NBEAL1: variants seen among roughly 807,000 people sequenced by gnomAD.
The protein encoded by NBEAL1 is neurobeachin like 1.
NBEAL1 carries 273 observed loss-of-function variants against 351.3 expected under a neutral mutation model. That is an observed-to-expected ratio of 0.78 (90% CI 0.70 to 0.86). The LOEUF (loss-of-function observed/expected upper bound fraction) is 0.86, where lower values mean the gene tolerates loss of function less well. NBEAL1 is among the 40% of genes least tolerant of loss of function. NBEAL1 has a pLI of 0.00. For synonymous variants in NBEAL1, 1,050 were observed against 1,086.4 expected (o/e 0.97, Z 0.66); for missense variants, 2,961 against 3,201.3 (o/e 0.92, Z 1.81).
At position 203,144,871 on chromosome 2, in the gene NBEAL1, AT is replaced by A. The variant is rs1559402515; in HGVS notation, c.5122del (p.Ser1708GlnfsTer16). The part of the protein sequence containing the change: ...SFFEDFQEYC[N>X]SNEWQVYIEK... ...TTTGAAGATTTTCAAGAATATTGTA[AT>A]TCAAATGAATGGCAAGTTTACATTG... On this transcript the variant is annotated frameshift_variant, in exon 32 of 56. Transcript: ENST00000683969. LOFTEE classifies it high-confidence loss of function. 1 of 1,602,248 alleles carries A rather than the reference AT, an allele frequency of 6.2e-7. No homozygotes were observed. Among genetic ancestry groups the A allele is most frequent in the African/African-American group, 1.3e-5 (1 of 74,292 alleles).
intron 31 of NBEAL1, among the ~76,000 whole-genome samples, chr2:203,144,243 C>T (rs1356962240): frequency 1.4e-5 from 2 of 146,626 alleles, no homozygotes; most frequent in African/African-American, 2.5e-5. Flanking sequence ...GATTTGGGTT[C>T]TCTTTATACT....
intron 10 of NBEAL1, among the ~76,000 whole-genome samples, chr2:203,096,488 A>C (rs1026821499): frequency 1.3e-5 from 2 of 152,126 alleles, no homozygotes; most frequent in African/African-American, 4.8e-5. Flanking sequence ...TTTGAGTATC[A>C]TTTGAATTTT....
At chr2:203,020,527 C>T (rs933527799) in intron 2 of NBEAL1, among the ~76,000 whole-genome samples, 3 of 151,890 alleles carry the variant, frequency 2.0e-5, no homozygotes, top group African/African-American at 4.8e-5. Context: ...AAAAATTAGC[C>T]GGGCATGGTG....
intron 3 of NBEAL1, among the ~76,000 whole-genome samples, chr2:203,049,594 ATAATCTTCTAGTTAC>A (rs1267537280): frequency 6.6e-6 from 1 of 152,198 alleles, no homozygotes; most frequent in Non-Finnish European, 1.5e-5. Flanking sequence ...CTCTGCTCTA[ATAATCTTCTAGTTAC>A]TAATCTTCTA....
intron 2 of NBEAL1, among the ~76,000 whole-genome samples, chr2:203,023,371 A>AC (rs2060799200): frequency 1.3e-5 from 2 of 152,222 alleles, no homozygotes; most frequent in African/African-American, 4.8e-5. Context: ...TAGTACTAGT[A>AC]GTTACCACTT....
Position 203,149,119 on chromosome 2 carries a change from T to G in NBEAL1, c.5433T>G (p.Leu1811=). The G allele has an allele frequency of 6.2e-7, 1 of 1,603,616 alleles. No homozygotes were observed. Among genetic ancestry groups the G allele is most frequent in the Non-Finnish European group, 8.5e-7 (1 of 1,174,136 alleles). The change falls in exon 34 of 56, where the codon CTT becomes CTG. Residue 1811 remains leucine, a synonymous_variant. Coordinates refer to ENST00000683969, the MANE Select transcript of NBEAL1 (RefSeq NM_001378026.1). ...GCTGGAAAGCAATACAGCTCTATCT[T>G]ACATGTGAAAGGGGACCTTGGGCTA... ...LRRWKAIQLY[L]TCERGPWAKR...
intron 7 of NBEAL1, among the ~76,000 whole-genome samples, chr2:203,068,843 C>A (rs1474486251): frequency 6.6e-6 from 1 of 152,142 alleles, no homozygotes; most frequent in East Asian, 1.9e-4. Context: ...AATTGTCCTG[C>A]CTCAGCCTCC....
chr2:203,033,868 T>C (rs1431509025), intron 2 of NBEAL1, among the ~76,000 whole-genome samples: 1 of 152,206 alleles, frequency 6.6e-6, no homozygotes, highest in Non-Finnish European at 1.5e-5. Context: ...TCTGTCTGGA[T>C]TCCTCTCTTC....
intron 46 of NBEAL1, among the ~76,000 whole-genome samples, chr2:203,191,987 G>C (rs2105782583): frequency 6.6e-6 from 1 of 152,284 alleles, no homozygotes; most frequent in East Asian, 1.9e-4. Context: ...CTTGAATACA[G>C]TATTGAATTG....
intron 18 of NBEAL1, 120 bp from the exon 19 acceptor site, chr2:203,122,134 G>T (rs1417994036): frequency 3.6e-6 from 2 of 561,806 alleles, no homozygotes; most frequent in Non-Finnish European, 6.1e-6. Context: ...TTCATATTAT[G>T]GGCATCTTAT....
intron 47 of NBEAL1, among the ~76,000 whole-genome samples, chr2:203,196,569 C>T (rs1000446314): frequency 2.0e-5 from 3 of 151,914 alleles, no homozygotes; most frequent in Admixed American, 6.6e-5. Context: ...TAATTCACAA[C>T]GTAAAGAGAA....
intron 2 of NBEAL1, chr2:203,040,075 G>A: frequency 1.3e-6 from 1 of 748,872 alleles, no homozygotes; most frequent in East Asian, 2.4e-5. Flanking sequence ...TTGGGGTGGG[G>A]TTGTGCATGA....
intron 39 of NBEAL1, among the ~76,000 whole-genome samples, chr2:203,170,287 G>T (rs1391991755): frequency 2.6e-5 from 4 of 152,080 alleles, no homozygotes; most frequent in Non-Finnish European, 4.4e-5. Context: ...TGGGAGAATC[G>T]CTTGAACCGG....
In NBEAL1 at chr2:203,224,123, G is replaced by A. The variant is rs903982523; in HGVS notation, c.*6769G>A. On this transcript the variant is annotated 3_prime_UTR_variant, in exon 56 of 56. Transcript: ENST00000683969. The stretch of plus-strand genomic sequence containing the variant: ...TTTCTATTTTTCTTCCAAAACTATG[G>A]CATGTTATAGTAGATCTTACTATTA... Among the ~76,000 whole-genome samples the A allele has an allele frequency of 6.6e-6, 1 of 151,878 alleles. No homozygotes were observed. The highest frequency in any genetic ancestry group is 1.9e-4 in the East Asian group (1 of 5,182).
rs983662166 is a variant in NBEAL1, at chr2:203,175,358, T to G, written c.6464+71T>G. 4.8e-6 allele frequency: 7 copies of G among 1,465,322 alleles called. No homozygotes were observed. In the East Asian group the frequency reaches 1.6e-4, roughly 34 times the overall value. 90.8% of individuals were successfully genotyped at this position (1,465,322 alleles called of 1,614,324 possible). A position where few individuals can be genotyped will look rare whatever the true frequency, so the allele number is the denominator to read the frequency against. ...TTGAAAACTGTTTGCCTTCATGTCA[T>G]GTACTGTGTAACATGTCTTTTTTAT... On this transcript the variant is annotated intron_variant, in intron 42 of 55. Coordinates refer to ENST00000683969, the MANE Select transcript of NBEAL1 (RefSeq NM_001378026.1).
intron 2 of NBEAL1, among the ~76,000 whole-genome samples, chr2:203,039,216 T>TTTCCCTTTCC (rs2061090417): frequency 3.5e-5 from 1 of 28,220 alleles, no homozygotes; most frequent in African/African-American, 1.5e-4. Flanking sequence ...TTTCCTTTCC[T>TTTCCCTTTCC]TTCCCTTCCC....
intron 36 of NBEAL1, among the ~76,000 whole-genome samples, chr2:203,165,875 T>C (rs1196702962): frequency 1.3e-5 from 2 of 151,978 alleles, no homozygotes; most frequent in Admixed American, 1.3e-4. Context: ...AAACCCCACC[T>C]CTATAAAAAA....
chr2:203,067,715 A>ATT (rs1439605599), intron 6 of NBEAL1, among the ~76,000 whole-genome samples: 1 of 152,194 alleles, frequency 6.6e-6, no homozygotes, highest in African/African-American at 2.4e-5. Flanking sequence ...GATTTTAAAA[A>ATT]ATTCACCATC....
At chr2:203,053,939 G>A (rs558391773) in intron 4 of NBEAL1, among the ~76,000 whole-genome samples, 1 of 151,946 alleles carries the variant, frequency 6.6e-6, no homozygotes, top group African/African-American at 2.4e-5. Context: ...TTTCTTTCAT[G>A]GATTATGCTT....
Sources: gnomAD v4.1 joint callset for allele counts (sites outside exome capture counted in the v4.1 genomes callset) on GRCh38, gnomAD v4.1.1 for gene constraint, MANE v1.5 for transcripts, NCBI Gene and HGNC (gene_info 2026-07-23, HGNC 2026-07-21) for gene names.